ELF5: variants seen among roughly 807,000 people sequenced by gnomAD.
The protein encoded by ELF5 is E74 like ETS transcription factor 5.
A neutral mutation model predicts 38.2 loss-of-function variants in ELF5; 31 were observed. The observed-to-expected ratio is 0.81, with a 90% CI of 0.61 to 1.10. ELF5 has a LOEUF of 1.10. Among genes scored for constraint, ELF5 ranks in the 50% least tolerant of loss-of-function variants. The pLI is 0.00. For synonymous variants in ELF5, 121 were observed against 112.5 expected, an observed-to-expected ratio of 1.08 and a Z score of -0.48; for missense variants, 300 against 306.6, an observed-to-expected ratio of 0.98 and a Z score of 0.16.
chr11:34,484,523 CTAT>C (rs1849930088), intron 4 of ELF5, among the ~76,000 whole-genome samples: 1 of 149,062 alleles, frequency 6.7e-6, no homozygotes, highest in Non-Finnish European at 1.5e-5. Flanking sequence ...CTATACTATA[CTAT>C]ATTATACTGT....
In ELF5 at chr11:34,504,265, G is replaced by A. The variant is rs79326588; in HGVS notation, c.121+1364C>T. On this transcript the variant is annotated intron_variant, in intron 2 of 6. Coordinates refer to ENST00000257832, the MANE Select transcript of ELF5 (RefSeq NM_001422.4). ...CCAAAGTTCAAGGGAAGGAGACACA[G>A]TACATTTCTCATGTCTTTCTGGGAA... Among the ~76,000 whole-genome samples, 491 of 152,352 alleles carry A rather than the reference G, an allele frequency of 3.2e-3. 23 individuals carry two copies. In the East Asian group the frequency reaches 0.085, roughly 26 times the overall value.
At chr11:34,480,446 T>C in intron 6 of ELF5, 132 bp from the exon 7 acceptor site, 1 of 719,150 alleles carries the variant, frequency 1.4e-6, no homozygotes, top group Non-Finnish European at 2.4e-6. Context: ...TTTCATGCCC[T>C]GTTATCAACT....
At chr11:34,511,651 G>C in intron 1 of ELF5, 1 of 1,576,356 alleles carries the variant, frequency 6.3e-7, no homozygotes, top group African/African-American at 1.3e-5. Flanking sequence ...ACACAGAGAG[G>C]GTCCACCGAG....
chr11:34,502,914 C>A (rs1476601401), intron 2 of ELF5, among the ~76,000 whole-genome samples: 1 of 152,158 alleles, frequency 6.6e-6, no homozygotes, highest in South Asian at 2.1e-4. Context: ...AATGCGGAAG[C>A]CTCTGGCCAG....
rs140444692 is a variant in ELF5 at position 34,480,923 on chromosome 11, G to C, written c.520C>G (p.Leu174Val). The C allele has an allele frequency of 4.3e-4, 694 of 1,614,094 alleles. 4 individuals are homozygous for C. The East Asian group carries it at 0.015, about 36-fold the overall frequency. The change falls in exon 6 of 7, where the codon CTA (leucine) becomes GTA (valine). Residue 174 changes from leucine to valine, a missense_variant. By Grantham distance (32) the Leu-to-Val change is conservative. Coordinates refer to ENST00000257832, the MANE Select transcript of ELF5 (RefSeq NM_001422.4). ...HLWEFVRDLL[L>V]SPEENCGILE... is the part of the protein sequence containing the mutation. ...ATGCCACAGTTTTCTTCAGGAGATA[G>C]AAGCAGGTCTCGTACAAATTCCCAT...
chr11:34,490,798 AC>A (rs1323743568), intron 3 of ELF5, among the ~76,000 whole-genome samples: 1 of 152,148 alleles, frequency 6.6e-6, no homozygotes, highest in African/African-American at 2.4e-5. Context: ...GGAGCAGGGC[AC>A]AGTTGTGATT....
At position 34,497,565 on chromosome 11, in the gene ELF5, G is replaced by A. The variant is rs138030061; in HGVS notation, c.122-3853C>T. Reference sequence around the variant, plus strand: ...AGGAGGACTTTAGCTTTCAGAGCTGGGTGGGTGCACCAGATGCCCGCAGGG... The same window carrying A: ...AGGAGGACTTTAGCTTTCAGAGCTGAGTGGGTGCACCAGATGCCCGCAGGG... On this transcript the variant is annotated intron_variant, in intron 2 of 6. Transcript: ENST00000257832. Among the ~76,000 whole-genome samples, 285 of 152,310 alleles carry A rather than the reference G, an allele frequency of 1.9e-3. 3 individuals are homozygous for A. The highest frequency in any genetic ancestry group is 4.6e-3 in the South Asian group (22 of 4,830).
chr11:34,481,427 G>A (rs1397439820), intron 5 of ELF5, among the ~76,000 whole-genome samples: 1 of 152,106 alleles, frequency 6.6e-6, no homozygotes, highest in Admixed American at 6.6e-5. Context: ...TGCTCTACCT[G>A]GAAACTTACT....
intron 1 of ELF5, among the ~76,000 whole-genome samples, chr11:34,506,841 T>C (rs1452409729): frequency 6.6e-6 from 1 of 152,144 alleles, no homozygotes; most frequent in Non-Finnish European, 1.5e-5. Context: ...AAAAATGAGG[T>C]AAGAATTACT....
At chr11:34,497,467 A>G (rs1356172450) in intron 2 of ELF5, among the ~76,000 whole-genome samples, 1 of 152,220 alleles carries the variant, frequency 6.6e-6, no homozygotes, top group Admixed American at 6.5e-5. Context: ...GAATTGAACT[A>G]GAGGGAGTTT....
intron 4 of ELF5, among the ~76,000 whole-genome samples, chr11:34,483,712 T>G (rs528524349): frequency 1.3e-5 from 2 of 152,040 alleles, no homozygotes; most frequent in African/African-American, 4.8e-5. Context: ...CATGCTATAT[T>G]AACTATGCTA....
intron 2 of ELF5, among the ~76,000 whole-genome samples, chr11:34,504,703 A>C (rs539759337): frequency 6.6e-6 from 1 of 152,336 alleles, no homozygotes; most frequent in African/African-American, 2.4e-5. Context: ...GCCAGCAGTC[A>C]GCCAGGTGTG....
At chr11:34,482,540 G>A in intron 4 of ELF5, 41 bp from the exon 5 acceptor site, 2 of 1,529,630 alleles carry the variant, frequency 1.3e-6, no homozygotes, top group Non-Finnish European at 1.8e-6. Flanking sequence ...GGGATATAGA[G>A]GCCACATTCA....
intron 6 of ELF5, 99 bp from the exon 7 acceptor site, chr11:34,480,413 C>A: frequency 1.0e-6 from 1 of 970,654 alleles, no homozygotes; most frequent in Non-Finnish European, 1.6e-6. Flanking sequence ...GGTGACAAGG[C>A]TGGTCTTTGG....
intron 2 of ELF5, among the ~76,000 whole-genome samples, chr11:34,504,987 C>A (rs1464803025): frequency 6.6e-6 from 1 of 152,084 alleles, no homozygotes; most frequent in African/African-American, 2.4e-5. Flanking sequence ...CTCTCATCAC[C>A]CCTGGTTTAG....
intron 4 of ELF5, among the ~76,000 whole-genome samples, chr11:34,484,470 T>C (rs1857026182): frequency 1.6e-5 from 1 of 60,924 alleles, no homozygotes; most frequent in Non-Finnish European, 2.8e-5. Flanking sequence ...TGTACTGTGC[T>C]ACACTATACT....
intron 1 of ELF5, among the ~76,000 whole-genome samples, chr11:34,509,230 T>G (rs191618990): frequency 6.6e-6 from 1 of 152,206 alleles, no homozygotes; most frequent in Admixed American, 6.5e-5. Context: ...CTCAGGAGGT[T>G]GAGGCATGAG....
At chr11:34,490,450 C>T (rs773930118) in intron 3 of ELF5, among the ~76,000 whole-genome samples, 64 of 152,086 alleles carry the variant, frequency 4.2e-4, no homozygotes, top group Non-Finnish European at 6.3e-4. Context: ...ATTGACATCA[C>T]GAGATAAAAT....
intron 2 of ELF5, among the ~76,000 whole-genome samples, chr11:34,498,659 C>T (rs565293812): frequency 1.3e-5 from 2 of 152,220 alleles, no homozygotes; most frequent in African/African-American, 4.8e-5. Context: ...CCAGGGTGCA[C>T]AGAGCAGGTA....
Sources: allele counts gnomAD v4.1 joint callset (sites outside exome capture counted in the v4.1 genomes callset), GRCh38; gene constraint gnomAD v4.1.1; transcripts MANE v1.5; gene names NCBI Gene and HGNC (gene_info 2026-07-23, HGNC 2026-07-21).